The following ZNF696 variants were observed in gnomAD, a reference collection of about 807,000 sequenced individuals.
ZNF696 encodes the protein zinc finger protein 696.
Under a neutral mutation model 12.3 loss-of-function variants are expected in ZNF696, and 10 were observed. The observed-to-expected ratio is 0.81, with a 90% confidence interval of 0.50 to 1.38. The LOEUF is 1.38. Among genes scored for constraint, ZNF696 ranks in the 40% most tolerant of loss-of-function variants. ZNF696 has a pLI of 0.00. For synonymous variants in ZNF696, 304 were observed against 243.9 expected, an observed-to-expected ratio of 1.25 and a Z score of -2.29; for missense variants, 675 against 554.7, an observed-to-expected ratio of 1.22 and a Z score of -2.18.
In ZNF696 at chr8:143,295,845, G is replaced by T; in HGVS notation, c.170G>T (p.Gly57Val). The change falls in exon 3 of 3, where the codon GGA becomes GTA. Residue 57 changes from glycine (G) to valine (V), a missense_variant. Transcript: ENST00000330143. Reference protein sequence around the residue: ...EPAAEAGAPEGEGHRGGPPRA... With the variant: ...EPAAEAGAPEVEGHRGGPPRA... ...GCCGCAGAGGCAGGCGCTCCCGAGG[G>T]AGAGGGCCACAGAGGGGGGCCTCCC... 2 of 1,586,134 alleles carry T rather than the reference G, an allele frequency of 1.3e-6. No homozygotes were observed. The highest frequency in any genetic ancestry group is 8.6e-7 in the Non-Finnish European group (1 of 1,166,436).
intron 2 of ZNF696, 136 bp from the exon 3 acceptor site, chr8:143,295,604 A>T: frequency 9.8e-7 from 1 of 1,020,142 alleles, no homozygotes; most frequent in South Asian, 1.7e-5. Flanking sequence ...CGGGAACTGA[A>T]TGGGCAAAAT....
rs771327451 is a variant in ZNF696 at position 143,295,768 on chromosome 8, C to G, written c.93C>G (p.Ala31=). ...AAVKAAFLAQ[A]PSGSRSAEVQ... ...TGAAGGCTGCTTTCCTGGCGCAGGCCCCGAGTGGCAGCCGGTCAGCCGAGG... is the reference window on the plus strand; with the variant it reads ...TGAAGGCTGCTTTCCTGGCGCAGGCGCCGAGTGGCAGCCGGTCAGCCGAGG... The change falls in exon 3 of 3, where the codon GCC becomes GCG. Residue 31 remains alanine (A), a synonymous_variant. Transcript: ENST00000330143. The G allele has an allele frequency of 3.7e-6, 6 of 1,603,528 alleles. No individual in the cohort carries two copies. Among genetic ancestry groups the G allele is most frequent in the Non-Finnish European group, 5.1e-6 (6 of 1,176,278 alleles).
rs1274442077 is a variant in ZNF696, at chr8:143,296,710, C to A, written c.1035C>A (p.Gly345=). ...GFFRHQRLHT[G]EKPFRCTECG... ...TCCGGCACCAGCGACTCCACACGGGCGAGAAGCCGTTCCGCTGCACCGAGT... is the reference window on the plus strand; with the variant it reads ...TCCGGCACCAGCGACTCCACACGGGAGAGAAGCCGTTCCGCTGCACCGAGT... The change falls in exon 3 of 3, where the codon GGC becomes GGA. Residue 345 remains glycine (G), a synonymous_variant. Coordinates refer to ENST00000330143, the MANE Select transcript of ZNF696 (RefSeq NM_030895.3). The A allele has an allele frequency of 6.4e-7, 1 of 1,554,136 alleles. No homozygotes were observed. Among genetic ancestry groups the A allele is most frequent in the East Asian group, 2.4e-5 (1 of 42,078 alleles).
chr8:143,292,004 C>A, intron 1 of ZNF696: 1 of 164,268 alleles, frequency 6.1e-6, no homozygotes, highest in Non-Finnish European at 1.3e-5. Context: ...CAACGCCCAG[C>A]TGGAGTGCAG....
In ZNF696 at chr8:143,296,516, C is replaced by T. The variant is rs754490708; in HGVS notation, c.841C>T (p.Leu281Phe). 5.0e-6 allele frequency: 8 copies of T among 1,607,498 alleles called. No individual in the cohort carries two copies. Among genetic ancestry groups the T allele is most frequent in the South Asian group, 1.1e-5 (1 of 91,016 alleles). Residue 281 changes from leucine to phenylalanine, a missense_variant, in exon 3 of 3, where the codon CTC becomes TTC. Coordinates refer to ENST00000330143, the MANE Select transcript of ZNF696 (RefSeq NM_030895.3). ...GGCCTTCAGCCAGAGCTCCAACCTC[C>T]TCCAGCACCAGCGCGTGCACACGGG... ...GQAFSQSSNLLQHQRVHTGER... is the reference protein window; with the variant it reads ...GQAFSQSSNLFQHQRVHTGER...
chr8:143,293,304 C>A, intron 2 of ZNF696: 2 of 578,424 alleles, frequency 3.5e-6, no homozygotes, highest in South Asian at 4.4e-5. Context: ...GGCTCTGCCT[C>A]TGGGAAGGTC....
Position 143,298,980 on chromosome 8 carries a change from C to A in ZNF696, c.*2180C>A, listed in dbSNP as rs1172686008. On this transcript the variant is annotated 3_prime_UTR_variant, in exon 3 of 3. Coordinates refer to ENST00000330143, the MANE Select transcript of ZNF696 (RefSeq NM_030895.3). ...TTTGAGACCACCCTGGCCAACATGG[C>A]AAAACCCCATTTCTACTAAAAATAC... Among the ~76,000 whole-genome samples, 2 of 152,050 alleles carry A rather than the reference C, an allele frequency of 1.3e-5. No homozygotes were observed. Among genetic ancestry groups the A allele is most frequent in the African/African-American group, 4.8e-5 (2 of 41,398 alleles).
intron 1 of ZNF696, 68 bp downstream of exon 1, chr8:143,291,835 C>A (rs60180356): frequency 0.3 from 296,724 of 973,246 alleles, 49,091 homozygotes; most frequent in African/African-American, 0.62. Context: ...TTTGTAAAAG[C>A]GGCGGGGTCT....
At position 143,293,107 on chromosome 8, in the gene ZNF696, A is replaced by C. The variant is rs1166681994; in HGVS notation, c.64+42A>C. 5.2e-6 allele frequency: 8 copies of C among 1,543,710 alleles called. No homozygotes were observed. In the East Asian group the frequency reaches 1.8e-4, roughly 35 times the overall value. On this transcript the variant is annotated intron_variant, in intron 2 of 2. Coordinates refer to ENST00000330143, the MANE Select transcript of ZNF696 (RefSeq NM_030895.3). ...ACAGTCGGGCCCAGAGTTCCAGGGC[A>C]GGAATTGAACAGGAATACAGGAAAA...
Position 143,299,620 on chromosome 8 carries a change from T to G in ZNF696, c.*2820T>G, listed in dbSNP as rs1815770031. Among the ~76,000 whole-genome samples the G allele has an allele frequency of 2.0e-5, 3 of 152,040 alleles. No individual in the cohort carries two copies. Among genetic ancestry groups the G allele is most frequent in the Admixed American group, 2.0e-4 (3 of 15,252 alleles). On this transcript the variant is annotated 3_prime_UTR_variant, in exon 3 of 3. Transcript: ENST00000330143. ...GACTGGACAACACAGTGAGAGCCCA[T>G]AAAATAAATAAATGAACTGAACACA...
At chr8:143,293,144 C>T (rs1365335398) in intron 2 of ZNF696, 79 bp downstream of exon 2, 1 of 1,237,982 alleles carries the variant, frequency 8.1e-7, no homozygotes, top group South Asian at 1.2e-5. Context: ...CACCATGTCT[C>T]AGTCACTGAC....
chr8:143,293,039 G>A lies in ZNF696; in HGVS notation c.38G>A (p.Ser13Asn), dbSNP rs546842847. The A allele has an allele frequency of 1.8e-5, 29 of 1,614,106 alleles. No homozygotes were observed. The African/African-American group carries it at 3.6e-4, about 20-fold the overall frequency. ...GGAGAGCCCACAGGTGCTAAAGAGA[G>A]CAGTACCCTGATGGAGTCCCTTGCA... Reference protein sequence around the residue: ...PGGEPTGAKESSTLMESLAAV... With the variant: ...PGGEPTGAKENSTLMESLAAV... Residue 13 changes from serine to asparagine, a missense_variant, in exon 2 of 3, where the codon AGC (serine) becomes AAC (asparagine). Coordinates refer to ENST00000330143, the MANE Select transcript of ZNF696 (RefSeq NM_030895.3).
At chr8:143,294,256 C>T (rs1282104817) in intron 2 of ZNF696, among the ~76,000 whole-genome samples, 2 of 152,250 alleles carry the variant, frequency 1.3e-5, no homozygotes, top group Non-Finnish European at 1.5e-5. Flanking sequence ...TAACCAGTGG[C>T]TTGACTGCCA....
Position 143,295,225 on chromosome 8 carries a change from A to G in ZNF696, c.65-515A>G, listed in dbSNP as rs140694980. On this transcript the variant is annotated intron_variant, in intron 2 of 2. Transcript: ENST00000330143. Reference sequence around the variant, plus strand: ...TGTCTCCAGCCTCCTTTGCTTTCCCAGCTGTCCCGCAGAGTAAGGCAGTGC... The same window carrying G: ...TGTCTCCAGCCTCCTTTGCTTTCCCGGCTGTCCCGCAGAGTAAGGCAGTGC... 7.2e-4 allele frequency among the ~76,000 whole-genome samples: 110 copies of G among 152,238 alleles called. No homozygotes were observed. The East Asian group carries it at 0.018, about 25-fold the overall frequency.
rs540785943 is a variant in ZNF696, at chr8:143,298,665, T to A, written c.*1865T>A. 1.3e-5 allele frequency among the ~76,000 whole-genome samples: 2 copies of A among 152,312 alleles called. No individual in the cohort carries two copies. The highest frequency in any genetic ancestry group is 4.8e-5 in the African/African-American group (2 of 41,562). ...CATCATACAGGTGAGAGGATAGTTA[T>A]GTGTGAGGTGTTCAAAGAAGTCGCG... On this transcript the variant is annotated 3_prime_UTR_variant, in exon 3 of 3. Transcript: ENST00000330143.
intron 1 of ZNF696, 100 bp downstream of exon 1, chr8:143,291,867 C>T (rs1344731038): frequency 2.3e-6 from 2 of 851,268 alleles, no homozygotes; most frequent in Non-Finnish European, 2.8e-6. Context: ...CCAGGCTGGC[C>T]TCCTACTCCT....
Position 143,296,791 on chromosome 8 carries a change from C to A in ZNF696, c.1116C>A (p.Gly372=). ...FHLIQHRRVH[G]AE ...TCATCCAGCACCGGCGGGTGCATGG[C>A]GCCGAGTGAGCCGGGGCTGCGGCGG... The change falls in exon 3 of 3, where the codon GGC becomes GGA. Residue 372 remains glycine, a synonymous_variant. Coordinates refer to ENST00000330143, the MANE Select transcript of ZNF696 (RefSeq NM_030895.3). 1 of 1,410,054 alleles carries A rather than the reference C, an allele frequency of 7.1e-7. No homozygotes were observed. Among genetic ancestry groups the A allele is most frequent in the Non-Finnish European group, 9.2e-7 (1 of 1,089,980 alleles). The allele number at this position is 1,410,054 out of a possible 1,614,324, so 87.3% of individuals were successfully genotyped here. A position where few individuals can be genotyped will look rare whatever the true frequency, so the allele number is the denominator to read the frequency against.
Position 143,292,512 on chromosome 8 carries a change from T to G in ZNF696, c.-30-460T>G, listed in dbSNP as rs951030001. ...ACATCTGATGTCAGGCTTAGAAAAATCATTCCTCATTCCAAAACTTTACCA... is the reference window on the plus strand; with the variant it reads ...ACATCTGATGTCAGGCTTAGAAAAAGCATTCCTCATTCCAAAACTTTACCA... On this transcript the variant is annotated intron_variant, in intron 1 of 2. Transcript: ENST00000330143. 4.6e-5 allele frequency among the ~76,000 whole-genome samples: 7 copies of G among 151,960 alleles called. No homozygotes were observed. The East Asian group carries it at 1.2e-3, about 25-fold the overall frequency.
rs1407810599 is a variant in ZNF696 at position 143,296,997 on chromosome 8, G to A, written c.*197G>A. 5.7e-6 allele frequency: 3 copies of A among 524,940 alleles called. No homozygotes were observed. Among genetic ancestry groups the A allele is most frequent in the Admixed American group, 4.4e-5 (1 of 22,720 alleles). 32.5% of individuals were successfully genotyped at this position (524,940 alleles called of 1,614,324 possible). A position where few individuals can be genotyped will look rare whatever the true frequency, so the allele number is the denominator to read the frequency against. On this transcript the variant is annotated 3_prime_UTR_variant, in exon 3 of 3. Coordinates refer to ENST00000330143, the MANE Select transcript of ZNF696 (RefSeq NM_030895.3). ...AGGAGAGACAGGGCTCGGGGAAGGC[G>A]AGCGCTGCCCGCGGGAGGCGATTCC... is the stretch of plus-strand genomic sequence containing the variant.
Sources: allele counts gnomAD v4.1 joint callset (sites outside exome capture counted in the v4.1 genomes callset), GRCh38; gene constraint gnomAD v4.1.1; transcripts MANE v1.5; gene names NCBI Gene and HGNC (gene_info 2026-07-23, HGNC 2026-07-21).